Variants in UBE2G1 observed in about 807,000 individuals in gnomAD.
UBE2G1 encodes the protein ubiquitin-conjugating enzyme E2 G1.
A neutral mutation model predicts 22.7 loss-of-function variants in UBE2G1; 5 were observed. The observed-to-expected ratio is 0.22, with a 90% CI of 0.12 to 0.46. The LOEUF is 0.46. UBE2G1 is among the 20% of genes least tolerant of loss of function. The pLI is 0.99. For synonymous variants in UBE2G1, 74 were observed against 67.5 expected (o/e 1.10, Z -0.47); for missense variants, 88 against 203.9 (o/e 0.43, Z 3.46).
intron 2 of UBE2G1, chr17:4,302,365 C>A: frequency 2.1e-6 from 1 of 485,468 alleles, no homozygotes. Context: ...ATGTGGAGCC[C>A]TTGGGTTGCT....
intron 3 of UBE2G1, among the ~76,000 whole-genome samples, chr17:4,290,285 C>T (rs947761945): frequency 6.6e-6 from 1 of 152,040 alleles, no homozygotes; most frequent in Non-Finnish European, 1.5e-5. Flanking sequence ...TATTTCATTC[C>T]TAACTTATCC....
intron 1 of UBE2G1, among the ~76,000 whole-genome samples, chr17:4,344,263 G>A (rs146728403): frequency 6.3e-4 from 96 of 152,276 alleles, no homozygotes; most frequent in Non-Finnish European, 1.2e-3. Flanking sequence ...AAGCCCGGCC[G>A]GGCGCGGTGG....
chr17:4,301,395 C>A (rs1429972988), intron 2 of UBE2G1: 4 of 600,568 alleles, frequency 6.7e-6, no homozygotes, highest in Admixed American at 4.1e-5. Context: ...CCTTCTGTGG[C>A]CTCCAGTCAC....
At chr17:4,344,133 G>C (rs901375973) in intron 1 of UBE2G1, among the ~76,000 whole-genome samples, 4 of 152,156 alleles carry the variant, frequency 2.6e-5, no homozygotes, top group African/African-American at 2.4e-5. Context: ...CGTAAAGCAA[G>C]TTCATAGGAG....
chr17:4,277,660 T>C (rs982376916), intron 5 of UBE2G1, among the ~76,000 whole-genome samples: 3 of 152,254 alleles, frequency 2.0e-5, no homozygotes, highest in Non-Finnish European at 4.4e-5. Context: ...GACTTGAATG[T>C]AGATAAATAT....
intron 3 of UBE2G1, among the ~76,000 whole-genome samples, chr17:4,290,017 CATTT>C (rs2143698331): frequency 6.6e-6 from 1 of 152,200 alleles, no homozygotes; most frequent in East Asian, 1.9e-4. Context: ...TCTATAAACA[CATTT>C]AATAAGAAAA....
intron 1 of UBE2G1, among the ~76,000 whole-genome samples, chr17:4,330,365 T>C (rs765770537): frequency 6.6e-6 from 1 of 152,152 alleles, no homozygotes; most frequent in Non-Finnish European, 1.5e-5. Context: ...TCTTATTTGA[T>C]TTTAGGAATG....
At chr17:4,341,103 C>G (rs1263833958) in intron 1 of UBE2G1, among the ~76,000 whole-genome samples, 1 of 150,104 alleles carries the variant, frequency 6.7e-6, no homozygotes, top group Admixed American at 6.6e-5. Context: ...ACTGAGCCAT[C>G]TGGCTCAAAT....
chr17:4,307,921 C>A (rs992521612), intron 1 of UBE2G1, among the ~76,000 whole-genome samples: 7 of 152,104 alleles, frequency 4.6e-5, no homozygotes, highest in African/African-American at 1.7e-4. Flanking sequence ...AGGTGAGCAG[C>A]GGTACAGAGC....
At chr17:4,279,788 TATATATATATATATATATATATA>T (rs1567513677) in intron 5 of UBE2G1, among the ~76,000 whole-genome samples, 11 of 113,236 alleles carry the variant, frequency 9.7e-5, no homozygotes, top group African/African-American at 6.4e-4. Context: ...AAAAAAGTTA[TATATATATATATATATATATATA>T]TATATATATA....
At chr17:4,350,748 T>C (rs918220603) in intron 1 of UBE2G1, among the ~76,000 whole-genome samples, 2 of 152,028 alleles carry the variant, frequency 1.3e-5, no homozygotes, top group Non-Finnish European at 2.9e-5. Context: ...AAAAATAGTA[T>C]GAGGCTGGAC....
intron 1 of UBE2G1, among the ~76,000 whole-genome samples, chr17:4,350,698 C>T (rs774866077): frequency 2.0e-4 from 30 of 152,046 alleles, no homozygotes; most frequent in Non-Finnish European, 3.7e-4. Context: ...ATGATGTCTT[C>T]GCCATTCCAA....
chr17:4,302,329 T>A lies in UBE2G1; in HGVS notation c.149+4692A>T. 11 of 479,674 alleles carry A rather than the reference T, an allele frequency of 2.3e-5. 1 individual carries two copies. The highest frequency in any genetic ancestry group is 1.8e-4 in the South Asian group (11 of 61,332). 29.7% of individuals were successfully genotyped at this position (479,674 alleles called of 1,614,324 possible). Reference sequence around the variant, plus strand: ...CTGCGTGTGGTTGCAGCCACTCTTGTGTCCCACATGATGCTGGCCTTTATG... The same window carrying A: ...CTGCGTGTGGTTGCAGCCACTCTTGAGTCCCACATGATGCTGGCCTTTATG... On this transcript the variant is annotated intron_variant, in intron 2 of 5. Coordinates refer to ENST00000396981, the MANE Select transcript of UBE2G1 (RefSeq NM_003342.5).
chr17:4,307,238 T>A (rs1015273082), intron 1 of UBE2G1, 115 bp from the exon 2 acceptor site: 14 of 871,368 alleles, frequency 1.6e-5, no homozygotes, highest in Non-Finnish European at 2.5e-5. Flanking sequence ...ATTAAATAGA[T>A]ATACCTTGCC....
intron 1 of UBE2G1, among the ~76,000 whole-genome samples, chr17:4,340,911 A>C (rs1969704663): frequency 6.7e-6 from 1 of 149,094 alleles, no homozygotes; most frequent in Admixed American, 6.7e-5. Context: ...AAAAAAAAAA[A>C]ACAAAACCTT....
At chr17:4,318,640 C>T (rs1969403509) in intron 1 of UBE2G1, among the ~76,000 whole-genome samples, 1 of 152,194 alleles carries the variant, frequency 6.6e-6, no homozygotes, top group East Asian at 1.9e-4. Flanking sequence ...AAGAATGCCA[C>T]CTTCTTCATG....
At chr17:4,274,464 T>TG (rs767586428) in intron 5 of UBE2G1, among the ~76,000 whole-genome samples, 13 of 152,292 alleles carry the variant, frequency 8.5e-5, no homozygotes, top group Non-Finnish European at 1.3e-4. Context: ...CCCAAAGTGC[T>TG]GGGATTAGAG....
chr17:4,298,437 G>A (rs538470471), intron 2 of UBE2G1, among the ~76,000 whole-genome samples: 10 of 152,154 alleles, frequency 6.6e-5, no homozygotes, highest in Admixed American at 2.6e-4. Context: ...TTAGTGTTAC[G>A]AGATCTTTTA....
intron 5 of UBE2G1, among the ~76,000 whole-genome samples, chr17:4,276,436 G>A (rs768456715): frequency 6.6e-6 from 1 of 152,116 alleles, no homozygotes; most frequent in Non-Finnish European, 1.5e-5. Flanking sequence ...TGGGATTACA[G>A]GCGTGAGCCA....
Sources: allele counts gnomAD v4.1 joint callset (sites outside exome capture counted in the v4.1 genomes callset), GRCh38; gene constraint gnomAD v4.1.1; transcripts MANE v1.5; gene names NCBI Gene and HGNC (gene_info 2026-07-23, HGNC 2026-07-21).